The following UBE2D2 variants were observed in gnomAD, a reference collection of about 807,000 sequenced individuals.
UBE2D2 encodes the protein ubiquitin conjugating enzyme E2 D2.
Under a neutral mutation model 24.2 loss-of-function variants are expected in UBE2D2, and 2 were observed. The observed-to-expected ratio is 0.08, with a 90% CI of 0.03 to 0.26. UBE2D2 has a LOEUF of 0.26. Ranked by LOEUF, UBE2D2 falls within the 10% of genes least tolerant of loss-of-function variation. UBE2D2 has a pLI of 1.00. For missense variants in UBE2D2, 44 were observed against 177.6 expected, an observed-to-expected ratio of 0.25 and a Z score of 4.28; for synonymous variants, 58 against 56.5, an observed-to-expected ratio of 1.03 and a Z score of -0.12.
chr5:139,546,016 C>T (rs975753584), intron 1 of UBE2D2, among the ~76,000 whole-genome samples: 1 of 149,990 alleles, frequency 6.7e-6, no homozygotes, highest in Non-Finnish European at 1.5e-5. Flanking sequence ...CATGAGTCAC[C>T]GTGCCTGGCC....
chr5:139,604,542 G>A (rs992814904), intron 2 of UBE2D2, among the ~76,000 whole-genome samples: 2 of 152,212 alleles, frequency 1.3e-5, no homozygotes, highest in Non-Finnish European at 2.9e-5. Flanking sequence ...GTAAGCACAC[G>A]AAAAGATGCT....
chr5:139,613,290 T>A (rs1442306567), intron 2 of UBE2D2, among the ~76,000 whole-genome samples: 2 of 152,216 alleles, frequency 1.3e-5, no homozygotes, highest in African/African-American at 4.8e-5. Flanking sequence ...TCATGTTTCT[T>A]CTACCTTGTG....
intron 1 of UBE2D2, among the ~76,000 whole-genome samples, chr5:139,571,114 A>G (rs950330733): frequency 4.6e-5 from 7 of 152,278 alleles, no homozygotes; most frequent in Non-Finnish European, 1.0e-4. Flanking sequence ...TCAAGGTATT[A>G]AAACAACAGA....
intron 2 of UBE2D2, among the ~76,000 whole-genome samples, chr5:139,604,664 C>G (rs1754158091): frequency 6.6e-6 from 1 of 152,006 alleles, no homozygotes; most frequent in Non-Finnish European, 1.5e-5. Flanking sequence ...ACTGGAGGAT[C>G]ACTTGAGGCC....
At chr5:139,534,088 C>CATT (rs1752632753) in intron 1 of UBE2D2, among the ~76,000 whole-genome samples, 1 of 149,790 alleles carries the variant, frequency 6.7e-6, no homozygotes. Flanking sequence ...GCAAAAAAAA[C>CATT]ATTTTTTTTT....
chr5:139,547,578 C>T (rs948591445), intron 1 of UBE2D2, among the ~76,000 whole-genome samples: 4 of 151,212 alleles, frequency 2.6e-5, no homozygotes, highest in African/African-American at 4.9e-5. Flanking sequence ...GACATGATCT[C>T]GGCTCACTGC....
At chr5:139,613,496 ATATT>A (rs1754365068) in intron 2 of UBE2D2, among the ~76,000 whole-genome samples, 2 of 152,170 alleles carry the variant, frequency 1.3e-5, no homozygotes, top group South Asian at 2.1e-4. Context: ...CATTTGGAAG[ATATT>A]TATTTATTGA....
chr5:139,599,260 T>C (rs927087567), intron 1 of UBE2D2, among the ~76,000 whole-genome samples: 1 of 151,986 alleles, frequency 6.6e-6, no homozygotes, highest in Admixed American at 6.6e-5. Flanking sequence ...CAAAGTTTTT[T>C]CTACTTTTAG....
intron 1 of UBE2D2, among the ~76,000 whole-genome samples, chr5:139,598,103 A>G (rs548613094): frequency 1.3e-5 from 2 of 152,142 alleles, no homozygotes; most frequent in East Asian, 3.9e-4. Flanking sequence ...GGGTTTCACC[A>G]TGTTAGCCAG....
chr5:139,617,407 G>A (rs1361558910), intron 5 of UBE2D2, among the ~76,000 whole-genome samples: 60 of 121,756 alleles, frequency 4.9e-4, no homozygotes, highest in East Asian at 3.7e-3. Flanking sequence ...AGGGAGTTTC[G>A]CTCTTGTTGC....
At chr5:139,562,651 T>A (rs1376230274) in intron 1 of UBE2D2, among the ~76,000 whole-genome samples, 1 of 152,226 alleles carries the variant, frequency 6.6e-6, no homozygotes, top group Non-Finnish European at 1.5e-5. Context: ...TTACCGAGAC[T>A]CTTAACTGGG....
intron 1 of UBE2D2, among the ~76,000 whole-genome samples, chr5:139,536,470 T>G (rs1282165719): frequency 1.3e-5 from 2 of 151,734 alleles, no homozygotes; most frequent in African/African-American, 2.4e-5. Flanking sequence ...TTCAAGCAAT[T>G]CTCCTGCCTC....
intron 2 of UBE2D2, among the ~76,000 whole-genome samples, chr5:139,608,062 T>C (rs1228276250): frequency 1.3e-5 from 2 of 151,958 alleles, no homozygotes; most frequent in Non-Finnish European, 2.9e-5. Context: ...AGAGTATCTC[T>C]AACTTTTTGT....
At chr5:139,537,460 A>C (rs145759504) in intron 1 of UBE2D2, among the ~76,000 whole-genome samples, 5 of 152,048 alleles carry the variant, frequency 3.3e-5, no homozygotes, top group African/African-American at 1.2e-4. Flanking sequence ...GTCCATTGCC[A>C]CAATCACTTT....
intron 1 of UBE2D2, among the ~76,000 whole-genome samples, chr5:139,580,924 A>T (rs546497867): frequency 1.6e-3 from 248 of 152,270 alleles, no homozygotes; most frequent in Non-Finnish European, 3.1e-3. Context: ...CTCAAATAAT[A>T]ATAATCACAC....
At chr5:139,545,564 T>C (rs768058386) in intron 1 of UBE2D2, among the ~76,000 whole-genome samples, 11 of 152,112 alleles carry the variant, frequency 7.2e-5, no homozygotes, top group Non-Finnish European at 1.3e-4. Context: ...TAGCTGGGAT[T>C]ATAGGCACCA....
At chr5:139,548,193 A>ATAAATAAATAAATAAAT (rs1752862435) in intron 1 of UBE2D2, among the ~76,000 whole-genome samples, 3 of 47,110 alleles carry the variant, frequency 6.4e-5, no homozygotes, top group Non-Finnish European at 3.8e-5. Flanking sequence ...ATAAAAAAAA[A>ATAAATAAATAAATAAAT]AAATAAATAA....
At chr5:139,613,926 G>T (rs1452392459) in intron 2 of UBE2D2, among the ~76,000 whole-genome samples, 2 of 152,140 alleles carry the variant, frequency 1.3e-5, no homozygotes, top group Non-Finnish European at 2.9e-5. Flanking sequence ...GCCAGGTGTG[G>T]TGGCACTTGC....
At chr5:139,529,631 C>G (rs1360054433) in intron 1 of UBE2D2, among the ~76,000 whole-genome samples, 1 of 151,964 alleles carries the variant, frequency 6.6e-6, no homozygotes, top group East Asian at 1.9e-4. Flanking sequence ...ACCCCTCAGA[C>G]CCAAGTAAAA....
Sources: gnomAD v4.1 joint callset for allele counts (sites outside exome capture counted in the v4.1 genomes callset) on GRCh38, gnomAD v4.1.1 for gene constraint, MANE v1.5 for transcripts, NCBI Gene and HGNC (gene_info 2026-07-23, HGNC 2026-07-21) for gene names.